Variants in PLAA observed in about 807,000 individuals in gnomAD.
PLAA encodes phospholipase A-2-activating protein.
PLAA carries 48 observed loss-of-function variants against 84.1 expected under a neutral mutation model. That is an observed-to-expected ratio of 0.57 (90% CI 0.45 to 0.73). PLAA has a LOEUF of 0.73. Among genes scored for constraint, PLAA ranks in the 30% least tolerant of loss-of-function variants. PLAA has a pLI of 0.00. For missense variants in PLAA, 903 were observed against 954.7 expected (o/e 0.95, Z 0.71); for synonymous variants, 392 against 336.6 (o/e 1.16, Z -1.80).
intron 1 of PLAA, among the ~76,000 whole-genome samples, chr9:26,940,295 A>C (rs1825491811): frequency 6.6e-6 from 1 of 152,254 alleles, no homozygotes; most frequent in African/African-American, 2.4e-5. Context: ...ATGTGGTATA[A>C]ACATGAAATT....
Position 26,906,094 on chromosome 9 carries a change from T to C in PLAA, c.1823-18A>G, listed in dbSNP as rs1824228905. ...GACAATATCTATTAAAAAAAAAAAG[T>C]CATTAATGCTTATGAAAATAAAGAA... On this transcript the variant is annotated intron_variant, in intron 13 of 13. Coordinates refer to ENST00000397292, the MANE Select transcript of PLAA (RefSeq NM_001031689.3). 3 of 1,322,698 alleles carry C rather than the reference T, an allele frequency of 2.3e-6. No homozygotes were observed. The highest frequency in any genetic ancestry group is 3.8e-5 in the South Asian group (2 of 53,264). 81.9% of individuals were successfully genotyped at this position (1,322,698 alleles called of 1,614,324 possible).
intron 1 of PLAA, 137 bp downstream of exon 1, chr9:26,946,760 G>A (rs557852922): frequency 2.9e-5 from 30 of 1,032,194 alleles, no homozygotes; most frequent in Admixed American, 2.7e-4. Flanking sequence ...AATAGTCTGA[G>A]AATTGGAAGG....
chr9:26,941,133 A>T (rs911725638), intron 1 of PLAA, among the ~76,000 whole-genome samples: 2 of 151,074 alleles, frequency 1.3e-5, no homozygotes, highest in African/African-American at 4.9e-5. Context: ...AACTGATTTT[A>T]AAAAATACTT....
At position 26,917,750 on chromosome 9, in the gene PLAA, G is replaced by GTATGTGCC. The variant is rs564545655; in HGVS notation, c.1418-593_1418-586dup. Among the ~76,000 whole-genome samples, 376 of 152,226 alleles carry GTATGTGCC rather than the reference G, an allele frequency of 2.5e-3. 2 individuals are homozygous for GTATGTGCC. Among genetic ancestry groups the GTATGTGCC allele is most frequent in the Non-Finnish European group, 3.9e-3 (265 of 68,014 alleles). ...ATTTATACATTTACGAATGTGTGGCGTATGTGCCTATGTTTTGTTAGTACC... is the reference window on the plus strand; with the variant it reads ...ATTTATACATTTACGAATGTGTGGCGTATGTGCCTATGTGCCTATGTTTTGTTAGTACC... On this transcript the variant is annotated intron_variant, in intron 9 of 13. Coordinates refer to ENST00000397292, the MANE Select transcript of PLAA (RefSeq NM_001031689.3).
intron 1 of PLAA, among the ~76,000 whole-genome samples, chr9:26,945,017 C>T (rs936942670): frequency 9.2e-5 from 14 of 152,106 alleles, no homozygotes; most frequent in African/African-American, 3.1e-4. Context: ...ATCACAGCTT[C>T]TTGGGAGGCT....
chr9:26,934,668 C>T (rs1291120628), intron 2 of PLAA, among the ~76,000 whole-genome samples: 2 of 151,656 alleles, frequency 1.3e-5, no homozygotes, highest in Non-Finnish European at 2.9e-5. Context: ...TTAGTAGAGG[C>T]GGGGTTTTGC....
intron 2 of PLAA, among the ~76,000 whole-genome samples, chr9:26,929,708 A>T (rs1168542736): frequency 1.3e-5 from 2 of 152,152 alleles, no homozygotes; most frequent in African/African-American, 4.8e-5. Context: ...CTTCTGAATG[A>T]GTGTTTGCTC....
chr9:26,913,854 A>G, intron 11 of PLAA, 25 bp downstream of exon 11: 1 of 1,506,494 alleles, frequency 6.6e-7, no homozygotes, highest in Non-Finnish European at 9.0e-7. Context: ...TCTAAAAAAA[A>G]GAAAAAGAAA....
At chr9:26,921,007 C>T (rs1007849703) in intron 7 of PLAA, among the ~76,000 whole-genome samples, 1 of 151,930 alleles carries the variant, frequency 6.6e-6, no homozygotes, top group Non-Finnish European at 1.5e-5. Context: ...TGCTTGAAAC[C>T]CATCAATGCT....
intron 10 of PLAA, chr9:26,916,529 G>A (rs1258530309): frequency 2.0e-6 from 2 of 985,958 alleles, no homozygotes; most frequent in Non-Finnish European, 2.4e-6. Flanking sequence ...CTACTCCTGG[G>A]TAGTTGGGTG....
intron 1 of PLAA, among the ~76,000 whole-genome samples, chr9:26,944,225 A>T (rs897615518): frequency 6.6e-6 from 1 of 152,184 alleles, no homozygotes; most frequent in Non-Finnish European, 1.5e-5. Context: ...TACAGCAGCA[A>T]AGAGGCCCTC....
chr9:26,923,603 C>T (rs1463870005), intron 6 of PLAA, among the ~76,000 whole-genome samples: 1 of 152,150 alleles, frequency 6.6e-6, no homozygotes, highest in Non-Finnish European at 1.5e-5. Flanking sequence ...TATTTACCAT[C>T]ATAAGAATCT....
At chr9:26,934,944 A>AT in intron 2 of PLAA, 69 bp downstream of exon 2, 1 of 1,127,118 alleles carries the variant, frequency 8.9e-7, no homozygotes, top group Non-Finnish European at 1.3e-6. Context: ...GAGAAAATGG[A>AT]TATGTAAATT....
chr9:26,912,254 TAA>T (rs1336089844), intron 11 of PLAA, among the ~76,000 whole-genome samples: 1 of 152,128 alleles, frequency 6.6e-6, no homozygotes, highest in Non-Finnish European at 1.5e-5. Flanking sequence ...GGGCAATGCA[TAA>T]GTATGCCAAA....
chr9:26,905,543 C>G lies in PLAA; in HGVS notation c.2356G>C (p.Glu786Gln). 1 of 1,612,758 alleles carries G rather than the reference C, an allele frequency of 6.2e-7. No homozygotes were observed. The highest frequency in any genetic ancestry group is 1.1e-5 in the South Asian group (1 of 90,760). Residue 786 changes from glutamate (E) to glutamine (Q), a missense_variant, in exon 14 of 14, where the codon GAA (glutamate) becomes CAA (glutamine). Transcript: ENST00000397292. ...SSVSEPAKVS[E>Q]CCRFILNLL ...AAATTTAGGATAAATCTACAGCATT[C>G]ACTTACTTTAGCTGGTTCTGATACT... is the stretch of plus-strand genomic sequence containing the variant.
chr9:26,919,591 T>C (rs1441757784), intron 8 of PLAA, 62 bp from the exon 9 acceptor site: 2 of 877,030 alleles, frequency 2.3e-6, no homozygotes, highest in East Asian at 2.4e-5. Flanking sequence ...ATTAATGACA[T>C]ATACAACATA....
chr9:26,910,310 T>C (rs1210122900), intron 12 of PLAA, 28 bp downstream of exon 12: 1 of 1,500,154 alleles, frequency 6.7e-7, no homozygotes, highest in African/African-American at 1.4e-5. Context: ...TCTGTGAATA[T>C]GTGAATAAAT....
intron 10 of PLAA, chr9:26,915,700 G>A (rs1227196866): frequency 1.0e-6 from 1 of 984,126 alleles, no homozygotes; most frequent in Non-Finnish European, 1.2e-6. Context: ...TGGACATTGT[G>A]TATGCTATCT....
At chr9:26,926,683 ATCT>A in intron 4 of PLAA, 123 bp from the exon 5 acceptor site, 1 of 701,508 alleles carries the variant, frequency 1.4e-6, no homozygotes, top group Non-Finnish European at 2.1e-6. Flanking sequence ...AGTTAGAGAA[ATCT>A]TTTTTTTTGT....
Sources: gnomAD v4.1 joint callset for allele counts (sites outside exome capture counted in the v4.1 genomes callset) on GRCh38, gnomAD v4.1.1 for gene constraint, MANE v1.5 for transcripts, NCBI Gene and HGNC (gene_info 2026-07-23, HGNC 2026-07-21) for gene names.